The following CNTNAP2 variants were observed in gnomAD, a reference collection of about 807,000 sequenced individuals.
CNTNAP2 encodes the protein contactin associated protein 2.
A neutral mutation model predicts 155.2 loss-of-function variants in CNTNAP2; 98 were observed. The ratio of observed to expected loss-of-function variants is 0.63; its 90% CI spans 0.54 to 0.75. The LOEUF (loss-of-function observed/expected upper bound fraction) is 0.75, where lower values mean the gene tolerates loss of function less well. CNTNAP2 is among the 30% of genes least tolerant of loss of function. The probability of loss-of-function intolerance (pLI) is 0.00; values close to 1 mark genes in which losing one functional copy is unlikely to be tolerated. For synonymous variants in CNTNAP2, 651 were observed against 631.2 expected (o/e 1.03, Z -0.47); for missense variants, 1,727 against 1,688.1 (o/e 1.02, Z -0.40).
chr7:148,161,054 C>A (rs969371824), intron 17 of CNTNAP2, among the ~76,000 whole-genome samples: 11 of 152,172 alleles, frequency 7.2e-5, no homozygotes, highest in Admixed American at 3.3e-4. Context: ...ATCCGTTCTG[C>A]CATTCAGCCC....
intron 21 of CNTNAP2, among the ~76,000 whole-genome samples, chr7:148,349,264 G>C (rs942401175): frequency 6.6e-6 from 1 of 152,102 alleles, no homozygotes; most frequent in Non-Finnish European, 1.5e-5. Context: ...AAGACAGGGG[G>C]TTCCAGTTAA....
intron 15 of CNTNAP2, among the ~76,000 whole-genome samples, chr7:147,992,762 G>C (rs1004771704): frequency 2.0e-5 from 3 of 152,174 alleles, no homozygotes; most frequent in Admixed American, 2.0e-4. Flanking sequence ...TTATGAAAAA[G>C]TCATGTGCCA....
chr7:146,764,394 A>C (rs911522324), intron 1 of CNTNAP2, among the ~76,000 whole-genome samples: 1 of 152,102 alleles, frequency 6.6e-6, no homozygotes, highest in African/African-American at 2.4e-5. Context: ...TTGTTGCATG[A>C]AGTTATAAAA....
chr7:146,785,879 G>A (rs557413738), intron 2 of CNTNAP2, among the ~76,000 whole-genome samples: 78 of 152,252 alleles, frequency 5.1e-4, no homozygotes, highest in Non-Finnish European at 9.0e-4. Context: ...CATGGCTTTC[G>A]ACTTGTGCTG....
At chr7:148,185,886 T>TTAAC (rs1462762536) in intron 18 of CNTNAP2, among the ~76,000 whole-genome samples, 1 of 152,244 alleles carries the variant, frequency 6.6e-6, no homozygotes, top group Non-Finnish European at 1.5e-5. Context: ...CTCTCCTCTA[T>TTAAC]TAACTAAGTT....
intron 12 of CNTNAP2, among the ~76,000 whole-genome samples, chr7:147,587,884 A>G (rs1434940549): frequency 6.6e-6 from 1 of 152,154 alleles, no homozygotes; most frequent in Non-Finnish European, 1.5e-5. Context: ...TTAAAAGTAT[A>G]TTATGTTAGA....
intron 1 of CNTNAP2, among the ~76,000 whole-genome samples, chr7:146,555,658 C>T (rs1798188183): frequency 6.6e-6 from 1 of 152,052 alleles, no homozygotes; most frequent in East Asian, 1.9e-4. Flanking sequence ...TAAAAGACTA[C>T]AAAACAATAT....
chr7:146,933,887 T>C (rs1796845884), intron 3 of CNTNAP2, among the ~76,000 whole-genome samples: 1 of 151,590 alleles, frequency 6.6e-6, no homozygotes, highest in Non-Finnish European at 1.5e-5. Flanking sequence ...AAAACCACAA[T>C]GAGATACCAT....
chr7:146,643,745 C>CT (rs1300982293), intron 1 of CNTNAP2, among the ~76,000 whole-genome samples: 1 of 152,070 alleles, frequency 6.6e-6, no homozygotes, highest in African/African-American at 2.4e-5. Flanking sequence ...TATAAATTAC[C>CT]TTGGGCAGTA....
intron 1 of CNTNAP2, among the ~76,000 whole-genome samples, chr7:146,666,485 A>T (rs186483832): frequency 1.3e-5 from 2 of 152,180 alleles, no homozygotes; most frequent in African/African-American, 4.8e-5. Flanking sequence ...TTTTTGATAT[A>T]CTCATTTCAT....
chr7:146,292,518 A>G (rs1203952735), intron 1 of CNTNAP2, among the ~76,000 whole-genome samples: 1 of 152,206 alleles, frequency 6.6e-6, no homozygotes, highest in East Asian at 1.9e-4. Flanking sequence ...AACTCTTAAC[A>G]CACTGTTGAT....
chr7:147,224,898 A>C (rs1803486847), intron 8 of CNTNAP2, among the ~76,000 whole-genome samples: 2 of 152,072 alleles, frequency 1.3e-5, no homozygotes, highest in South Asian at 4.1e-4. Context: ...TTGTTTTTTT[A>C]TTAGTAGATA....
At chr7:147,246,413 A>AT (rs1444072402) in intron 8 of CNTNAP2, among the ~76,000 whole-genome samples, 1 of 152,088 alleles carries the variant, frequency 6.6e-6, no homozygotes, top group Non-Finnish European at 1.5e-5. Context: ...TGCAACAGAA[A>AT]TGTATTTCTC....
intron 2 of CNTNAP2, among the ~76,000 whole-genome samples, chr7:146,835,421 G>A (rs1241026496): frequency 1.3e-5 from 2 of 151,950 alleles, no homozygotes; most frequent in African/African-American, 4.8e-5. Context: ...TTTCTTCAAG[G>A]TTTCGAACTG....
chr7:146,736,121 T>C (rs1457413595), intron 1 of CNTNAP2, among the ~76,000 whole-genome samples: 1 of 152,140 alleles, frequency 6.6e-6, no homozygotes, highest in African/African-American at 2.4e-5. Flanking sequence ...ATGGCATGTA[T>C]ATTGTATTAG....
intron 12 of CNTNAP2, among the ~76,000 whole-genome samples, chr7:147,636,881 C>A (rs113985082): frequency 3.8e-4 from 58 of 152,120 alleles, no homozygotes; most frequent in Non-Finnish European, 6.9e-4. Context: ...CAGAGAGCAG[C>A]TGTAGAATAG....
intron 1 of CNTNAP2, among the ~76,000 whole-genome samples, chr7:146,523,828 A>G (rs528831932): frequency 5.9e-5 from 9 of 152,288 alleles, no homozygotes; most frequent in Middle Eastern, 3.4e-3. Flanking sequence ...TTGAGTTATT[A>G]TCCAGCCACC....
intron 8 of CNTNAP2, among the ~76,000 whole-genome samples, chr7:147,265,629 C>T (rs1025835664): frequency 6.6e-5 from 10 of 152,202 alleles, no homozygotes; most frequent in African/African-American, 2.2e-4. Flanking sequence ...TTCCCCCGAG[C>T]ACAGCACACT....
intron 1 of CNTNAP2, among the ~76,000 whole-genome samples, chr7:146,522,824 TTTC>T (rs1201618475): frequency 1.3e-5 from 2 of 151,014 alleles, no homozygotes; most frequent in African/African-American, 4.8e-5. Context: ...CCCATAATTT[TTTC>T]TTATCTCTGG....
Sources: gnomAD v4.1 joint callset for allele counts (sites outside exome capture counted in the v4.1 genomes callset) on GRCh38, gnomAD v4.1.1 for gene constraint, MANE v1.5 for transcripts, NCBI Gene and HGNC (gene_info 2026-07-23, HGNC 2026-07-21) for gene names.